Variants in AP4M1 observed in about 807,000 individuals in gnomAD.
AP4M1 encodes the protein adaptor related protein complex 4 subunit mu 1, also known as AP-4 complex subunit mu-1.
In AP4M1, 58 loss-of-function variants were observed where a neutral mutation model predicts 62.4. The observed-to-expected ratio is 0.93, with a 90% CI of 0.75 to 1.16. AP4M1 has a LOEUF of 1.16. Ranked by LOEUF, AP4M1 falls within the 50% of genes most tolerant of loss-of-function variation. The pLI is 0.00. For missense variants in AP4M1, 626 were observed against 585.4 expected (o/e 1.07, Z -0.72); for synonymous variants, 290 against 239.7 (o/e 1.21, Z -1.94).
At chr7:100,103,212 T>C (rs185748776) in intron 4 of AP4M1, 197 bp from the exon 5 acceptor site, 109 of 672,174 alleles carry the variant, frequency 1.6e-4, no homozygotes, top group Non-Finnish European at 2.7e-4. Flanking sequence ...CCTAGCTAAT[T>C]GTTTATTTTT....
At position 100,108,582 on chromosome 7, in the gene AP4M1, A is replaced by G. The variant is rs1796826404; in HGVS notation, c.*1700A>G. On this transcript the variant is annotated 3_prime_UTR_variant, in exon 15 of 15. Coordinates refer to ENST00000359593, the MANE Select transcript of AP4M1 (RefSeq NM_004722.4). ...AAGCCAGGTAGAGGGAGGGCTGGGGAAAAAAGCCAGGTAGAGGGAGGGCTG... is the reference window on the plus strand; with the variant it reads ...AAGCCAGGTAGAGGGAGGGCTGGGGGAAAAAGCCAGGTAGAGGGAGGGCTG... 1 of 1,559,216 alleles carries G rather than the reference A, an allele frequency of 6.4e-7. No individual in the cohort carries two copies. Among genetic ancestry groups the G allele is most frequent in the Non-Finnish European group, 8.7e-7 (1 of 1,149,856 alleles).
chr7:100,100,921 A>C, upstream of AP4M1: 2 of 1,051,878 alleles, frequency 1.9e-6, no homozygotes, highest in East Asian at 5.2e-5. Context: ...AGCGCGAAGG[A>C]AAGCGGGCAC....
rs886041126 is a variant in AP4M1 at position 100,106,841 on chromosome 7, C to T, written c.1321C>T (p.Arg441Ter). The change falls in exon 15 of 15, where the codon CGA (arginine) becomes TGA (stop). Residue 441 changes from arginine to a stop codon, truncating the protein, a stop_gained. Coordinates refer to ENST00000359593, the MANE Select transcript of AP4M1 (RefSeq NM_004722.4). LOFTEE classifies it high-confidence loss of function. ...CAATGCCAACCCCCACAAGTGGGTG[C>T]GACACCTAAGCCACAGCGACGCCTA... is the stretch of plus-strand genomic sequence containing the variant. The part of the protein sequence containing the change: ...CGNANPHKWV[R>*]HLSHSDAYVI... 8.7e-6 allele frequency: 14 copies of T among 1,613,852 alleles called. No homozygotes were observed. The highest frequency in any genetic ancestry group is 2.2e-5 in the East Asian group (1 of 44,884).
rs750972784 is a variant in AP4M1, at chr7:100,107,530, A to G, written c.*648A>G. 8.1e-6 allele frequency: 13 copies of G among 1,613,834 alleles called. No homozygotes were observed. The African/African-American group carries it at 1.2e-4, about 15-fold the overall frequency. On this transcript the variant is annotated 3_prime_UTR_variant, in exon 15 of 15. Coordinates refer to ENST00000359593, the MANE Select transcript of AP4M1 (RefSeq NM_004722.4). ...GGTGCGGTGGTGGCGGTGGAGACCA[A>G]CTTGACGATGGGCTGCACGCTGGGG...
At chr7:100,104,819 C>T in intron 7 of AP4M1, 55 bp from the exon 8 acceptor site, 21 of 1,599,632 alleles carry the variant, frequency 1.3e-5, no homozygotes, top group South Asian at 2.2e-5. Context: ...AGAGCGAGAC[C>T]GTCTCAAAAA....
rs1461371857 is a variant in AP4M1 at position 100,106,016 on chromosome 7, C to T, written c.974+13C>T. ...TGCTCTCAAAGAGGTAAGAGTGAGG[C>T]TGGCCTGGCTGAGTTCAGCTCTATG... is the stretch of plus-strand genomic sequence containing the variant. On this transcript the variant is annotated intron_variant, in intron 12 of 14. Coordinates refer to ENST00000359593, the MANE Select transcript of AP4M1 (RefSeq NM_004722.4). The T allele has an allele frequency of 1.2e-6, 2 of 1,613,956 alleles. No homozygotes were observed. Among genetic ancestry groups the T allele is most frequent in the Non-Finnish European group, 1.7e-6 (2 of 1,179,978 alleles).
chr7:100,102,890 G>A lies in AP4M1; in HGVS notation c.281G>A (p.Cys94Tyr). 1.9e-6 allele frequency: 3 copies of A among 1,614,084 alleles called. No homozygotes were observed. Among genetic ancestry groups the A allele is most frequent in the Non-Finnish European group, 2.5e-6 (3 of 1,180,010 alleles). The change falls in exon 4 of 15, where the codon TGT becomes TAT. Residue 94 changes from cysteine to tyrosine, a missense_variant. Physicochemically the swap from Cys to Tyr is radical, Grantham distance 194. Coordinates refer to ENST00000359593, the MANE Select transcript of AP4M1 (RefSeq NM_004722.4). ...TTGGCCACCCTTCTGGGCGATTACTGTGGCTCCCTGGGCGAGGGGACCATC... is the reference window on the plus strand; with the variant it reads ...TTGGCCACCCTTCTGGGCGATTACTATGGCTCCCTGGGCGAGGGGACCATC... ...SRLATLLGDY[C>Y]GSLGEGTISR...
At chr7:100,103,061 C>CTTTTT (rs55764736) in intron 4 of AP4M1, 101 bp downstream of exon 4, 59 of 530,798 alleles carry the variant, frequency 1.1e-4, no homozygotes, top group Admixed American at 9.9e-4. Context: ...CCAAGTCTAC[C>CTTTTT]TTTTTTTTTT....
In AP4M1 at chr7:100,108,750, C is replaced by A. The variant is rs1470003289; in HGVS notation, c.*1868C>A. The A allele has an allele frequency of 1.2e-5, 6 of 493,470 alleles. No homozygotes were observed. In the East Asian group the frequency reaches 1.7e-4, roughly 14 times the overall value. The allele number at this position is 493,470 out of a possible 1,614,324, so 30.6% of individuals were successfully genotyped here. On this transcript the variant is annotated 3_prime_UTR_variant, in exon 15 of 15. Transcript: ENST00000359593. ...GGGCTTTCTCATAAGAAAAGATGGG[C>A]ACGGGGCCAGGTGCAGCATCTTAGG...
chr7:100,107,635 G>A lies in AP4M1; in HGVS notation c.*753G>A, dbSNP rs375667816. 684 of 1,608,966 alleles carry A rather than the reference G, an allele frequency of 4.3e-4. 1 individual carries two copies. The highest frequency in any genetic ancestry group is 4.7e-4 in the Non-Finnish European group (559 of 1,178,390). ...CTGAGGGACAGGACCTGGATAGAAA[G>A]GAAAGGCAGGCCGCTTGCCCTGTGC... On this transcript the variant is annotated 3_prime_UTR_variant, in exon 15 of 15. Transcript: ENST00000359593.
rs1255929971 is a variant in AP4M1, at chr7:100,106,981, G to A, written c.*99G>A. On this transcript the variant is annotated 3_prime_UTR_variant, in exon 15 of 15. Transcript: ENST00000359593. ...CTCCTGGCCTTCGGACTCTGAATCT[G>A]GGCAGGAAGAGTCCTCAGTCCCAAG... 2 of 1,399,864 alleles carry A rather than the reference G, an allele frequency of 1.4e-6. No individual in the cohort carries two copies. The highest frequency in any genetic ancestry group is 1.4e-5 in the African/African-American group (1 of 70,312). The allele number at this position is 1,399,864 out of a possible 1,614,324, so 86.7% of individuals were successfully genotyped here. A position where few individuals can be genotyped will look rare whatever the true frequency, so the allele number is the denominator to read the frequency against.
Position 100,107,193 on chromosome 7 carries a change from C to T in AP4M1, c.*311C>T. The T allele has an allele frequency of 1.3e-6, 2 of 1,518,728 alleles. No homozygotes were observed. The highest frequency in any genetic ancestry group is 1.8e-6 in the Non-Finnish European group (2 of 1,136,238). 94.1% of individuals were successfully genotyped at this position (1,518,728 alleles called of 1,614,324 possible). ...TAGCGAGCATGCATGTGTGTACGTG[C>T]ACGTGTGTACATGTCTGCATGTGTG... is the stretch of plus-strand genomic sequence containing the variant. On this transcript the variant is annotated 3_prime_UTR_variant, in exon 15 of 15. Transcript: ENST00000359593.
chr7:100,105,440 C>T lies in AP4M1; in HGVS notation c.835-5C>T, dbSNP rs768541738. On this transcript the variant is annotated splice_polypyrimidine_tract_variant and splice_region_variant and intron_variant, in intron 10 of 14. Coordinates refer to ENST00000359593, the MANE Select transcript of AP4M1 (RefSeq NM_004722.4). ...AACTAACCTTGTTGCTCTCTGGTCTCTCAGCTGACTGTGATGCGGTACCAA... is the reference window on the plus strand; with the variant it reads ...AACTAACCTTGTTGCTCTCTGGTCTTTCAGCTGACTGTGATGCGGTACCAA... 4 of 1,613,918 alleles carry T rather than the reference C, an allele frequency of 2.5e-6. No individual in the cohort carries two copies. The highest frequency in any genetic ancestry group is 3.4e-6 in the Non-Finnish European group (4 of 1,179,964).
In AP4M1 at chr7:100,108,356, C is replaced by G. The variant is rs748478235; in HGVS notation, c.*1474C>G. On this transcript the variant is annotated 3_prime_UTR_variant, in exon 15 of 15. Coordinates refer to ENST00000359593, the MANE Select transcript of AP4M1 (RefSeq NM_004722.4). ...CTTCCTCCTATTCCTCCTCCCCACC[C>G]GGCCACGGACCTGCGTGATGGTCAG... is the stretch of plus-strand genomic sequence containing the variant. The G allele has an allele frequency of 2.5e-6, 4 of 1,590,226 alleles. No individual in the cohort carries two copies. Among genetic ancestry groups the G allele is most frequent in the Non-Finnish European group, 3.4e-6 (4 of 1,164,808 alleles).
Position 100,106,675 on chromosome 7 carries a change from C to A in AP4M1, c.1155C>A (p.Pro385=). The change falls in exon 15 of 15, where the codon CCC becomes CCA. Residue 385 remains proline (P), a synonymous_variant. Coordinates refer to ENST00000359593, the MANE Select transcript of AP4M1 (RefSeq NM_004722.4). ...CCTCACAGATGGACGTCCCAGGGCC[C>A]CCAGGACCTCCCAGCCATGGGCTCT... ...SGLFQMDVPG[P]PGPPSHGLST... is the part of the protein sequence containing the mutation. The A allele has an allele frequency of 1.2e-6, 2 of 1,613,464 alleles. No individual in the cohort carries two copies. The highest frequency in any genetic ancestry group is 1.7e-6 in the Non-Finnish European group (2 of 1,180,008).
In AP4M1 at chr7:100,108,322, T is replaced by C; in HGVS notation, c.*1440T>C. The C allele has an allele frequency of 6.4e-7, 1 of 1,557,874 alleles. No individual in the cohort carries two copies. The highest frequency in any genetic ancestry group is 1.2e-5 in the South Asian group (1 of 84,806). ...GCAAGTGCCTGTCCCACACAGGGGT[T>C]CTCCTCTGCTTCCTCCTATTCCTCC... On this transcript the variant is annotated 3_prime_UTR_variant, in exon 15 of 15. Transcript: ENST00000359593.
Position 100,107,096 on chromosome 7 carries a change from T to G in AP4M1, c.*214T>G. 7.6e-7 allele frequency: 1 copy of G among 1,312,540 alleles called. No homozygotes were observed. The highest frequency in any genetic ancestry group is 1.0e-6 in the Non-Finnish European group (1 of 972,904). 81.3% of individuals were successfully genotyped at this position (1,312,540 alleles called of 1,614,324 possible). On this transcript the variant is annotated 3_prime_UTR_variant, in exon 15 of 15. Transcript: ENST00000359593. ...CAGAACTTACAAACCAAACTTTTAT[T>G]CTGAGAAACTGGCTGTACAATATCT...
chr7:100,104,573 G>A (rs1796311835), intron 7 of AP4M1, among the ~76,000 whole-genome samples: 4 of 152,196 alleles, frequency 2.6e-5, no homozygotes, highest in South Asian at 2.1e-4. Flanking sequence ...GCTCATGCCT[G>A]TAATCCCAGC....
rs922659505 is a variant in AP4M1 at position 100,102,064 on chromosome 7, TG to T, written c.147+102del. ...GACTGGTTCATTGGTAGATTCCACT[TG>T]GGGGGTGCATTCCGCCAAATAAAGC... On this transcript the variant is annotated intron_variant, in intron 2 of 14. Coordinates refer to ENST00000359593, the MANE Select transcript of AP4M1 (RefSeq NM_004722.4). 62 of 1,367,166 alleles carry T rather than the reference TG, an allele frequency of 4.5e-5. No individual in the cohort carries two copies. In the African/African-American group the frequency reaches 7.3e-4, roughly 16 times the overall value. The allele number at this position is 1,367,166 out of a possible 1,614,324, so 84.7% of individuals were successfully genotyped here. A position where few individuals can be genotyped will look rare whatever the true frequency, so the allele number is the denominator to read the frequency against.
Sources: gnomAD v4.1 joint callset for allele counts (sites outside exome capture counted in the v4.1 genomes callset) on GRCh38, gnomAD v4.1.1 for gene constraint, MANE v1.5 for transcripts, NCBI Gene and HGNC (gene_info 2026-07-23, HGNC 2026-07-21) for gene names.